The following WAPL variants were observed in gnomAD, a reference collection of about 807,000 sequenced individuals.
The protein encoded by WAPL is wings apart-like protein homolog.
WAPL carries 5 observed loss-of-function variants against 121.0 expected under a neutral mutation model. That is an observed-to-expected ratio of 0.04 (90% CI 0.02 to 0.09). WAPL has a LOEUF of 0.09. WAPL is among the 10% of genes least tolerant of loss of function. The pLI is 1.00. For missense variants in WAPL, 999 were observed against 1,410.8 expected (o/e 0.71, Z 4.68); for synonymous variants, 480 against 481.5 (o/e 1.00, Z 0.04).
Position 86,497,209 on chromosome 10 carries a change from G to A in WAPL, c.1636C>T (p.Pro546Ser). The A allele has an allele frequency of 6.2e-7, 1 of 1,610,604 alleles. No homozygotes were observed. Among genetic ancestry groups the A allele is most frequent in the Non-Finnish European group, 8.5e-7 (1 of 1,178,532 alleles). ...KENTRKIFSG[P>S]KRSPTKAVYN... is the part of the protein sequence containing the mutation. ...GACAGTGCTTTACTTACCCGTTTGGGGCCACTAAAAATCTTTCTGGTATTT... is the reference window on the plus strand; with the variant it reads ...GACAGTGCTTTACTTACCCGTTTGGAGCCACTAAAAATCTTTCTGGTATTT... The change falls in exon 4 of 19, where the codon CCC becomes TCC. Residue 546 changes from proline (P) to serine (S), a missense_variant. Pro to Ser is a moderately conservative substitution (Grantham distance 74, BLOSUM62 -1). Transcript: ENST00000298767.
At chr10:86,479,461 C>A (rs1841732310) in intron 4 of WAPL, among the ~76,000 whole-genome samples, 1 of 152,160 alleles carries the variant, frequency 6.6e-6, no homozygotes, top group East Asian at 1.9e-4. Flanking sequence ...GCCATGTTGG[C>A]CAGGCTGGTC....
At chr10:86,518,218 A>C (rs1312059048) in intron 1 of WAPL, 127 bp from the exon 2 acceptor site, 5 of 897,592 alleles carry the variant, frequency 5.6e-6, no homozygotes, top group Non-Finnish European at 8.1e-6. Context: ...CTTTTAAATA[A>C]ACAAATATGA....
chr10:86,454,574 G>A (rs1194891346), intron 12 of WAPL, among the ~76,000 whole-genome samples: 3 of 152,216 alleles, frequency 2.0e-5, no homozygotes, highest in Non-Finnish European at 4.4e-5. Flanking sequence ...GCGTGATCTT[G>A]GCTCGCTACA....
chr10:86,501,869 T>C (rs1274083957), intron 2 of WAPL, among the ~76,000 whole-genome samples: 3 of 152,158 alleles, frequency 2.0e-5, no homozygotes, highest in South Asian at 2.1e-4. Flanking sequence ...CTCCCCTTTT[T>C]ATTTAACAGA....
intron 12 of WAPL, among the ~76,000 whole-genome samples, chr10:86,458,343 G>A (rs1390628415): frequency 9.2e-5 from 14 of 152,130 alleles, no homozygotes; most frequent in Non-Finnish European, 1.5e-4. Context: ...TTACCTGCAA[G>A]GAGGTGACAG....
At chr10:86,454,063 G>A (rs10736337) in intron 12 of WAPL, among the ~76,000 whole-genome samples, 152,240 of 152,352 alleles carry the variant, frequency 1, 76,064 homozygotes, top group Middle Eastern at 1. Context: ...AAATTGTCTC[G>A]CATGTTATTG....
Position 86,496,017 on chromosome 10 carries a change from G to A in WAPL, c.1644+1184C>T, listed in dbSNP as rs553026664. ...TAATCCCAGCTACTTGGGAGGCTGA[G>A]GCAGGAGAATTCCTTGAACCCAGGA... On this transcript the variant is annotated intron_variant, in intron 4 of 18. Coordinates refer to ENST00000298767, the MANE Select transcript of WAPL (RefSeq NM_015045.5). Among the ~76,000 whole-genome samples, 3 of 152,300 alleles carry A rather than the reference G, an allele frequency of 2.0e-5. No individual in the cohort carries two copies. The East Asian group carries it at 5.8e-4, about 29-fold the overall frequency.
chr10:86,453,106 G>GA (rs200447718), intron 14 of WAPL, 114 bp downstream of exon 14: 48 of 320,360 alleles, frequency 1.5e-4, no homozygotes, highest in African/African-American at 4.5e-4. Context: ...GGAAATTCAT[G>GA]AAAAAAAACC....
intron 4 of WAPL, among the ~76,000 whole-genome samples, chr10:86,491,088 C>A (rs1474035623): frequency 6.8e-6 from 1 of 147,262 alleles, no homozygotes; most frequent in African/African-American, 2.5e-5. Flanking sequence ...TAAATACATA[C>A]ATAAATAAAT....
intron 2 of WAPL, among the ~76,000 whole-genome samples, chr10:86,510,065 G>A (rs576640757): frequency 1.1e-4 from 15 of 131,670 alleles, no homozygotes; most frequent in East Asian, 8.9e-4. Flanking sequence ...CACTCCACCC[G>A]GCCTTTTTTT....
At chr10:86,519,469 C>T (rs1842628192) in intron 1 of WAPL, among the ~76,000 whole-genome samples, 1 of 152,092 alleles carries the variant, frequency 6.6e-6, no homozygotes, top group Non-Finnish European at 1.5e-5. Flanking sequence ...GAGTCACTGT[C>T]TGAGTTTTAT....
At chr10:86,476,150 G>C (rs974158036) in intron 4 of WAPL, among the ~76,000 whole-genome samples, 1 of 152,052 alleles carries the variant, frequency 6.6e-6, no homozygotes, top group Non-Finnish European at 1.5e-5. Flanking sequence ...CGGATCACGA[G>C]GTCAGGAGAT....
At chr10:86,448,221 T>C (rs1299222517) in intron 15 of WAPL, among the ~76,000 whole-genome samples, 1 of 152,162 alleles carries the variant, frequency 6.6e-6, no homozygotes, top group Non-Finnish European at 1.5e-5. Flanking sequence ...CTCATGCCTG[T>C]GATCCTAGCA....
chr10:86,461,943 G>A (rs1203765991), intron 9 of WAPL, among the ~76,000 whole-genome samples: 1 of 152,098 alleles, frequency 6.6e-6, no homozygotes, highest in Non-Finnish European at 1.5e-5. Flanking sequence ...GTTGCAGACT[G>A]ACTAGTTTTT....
chr10:86,458,222 G>T (rs1207955145), intron 12 of WAPL, among the ~76,000 whole-genome samples: 1 of 152,206 alleles, frequency 6.6e-6, no homozygotes, highest in Non-Finnish European at 1.5e-5. Context: ...TATTGTTCTG[G>T]ATAGGCTAAA....
intron 18 of WAPL, 144 bp from the exon 19 acceptor site, chr10:86,437,752 G>C: frequency 9.7e-7 from 1 of 1,036,106 alleles, no homozygotes; most frequent in Non-Finnish European, 1.4e-6. Flanking sequence ...GTTTGATAAA[G>C]TTATTTGCCA....
chr10:86,445,991 G>A (rs1418154934), intron 16 of WAPL, among the ~76,000 whole-genome samples: 1 of 152,066 alleles, frequency 6.6e-6, no homozygotes, highest in African/African-American at 2.4e-5. Context: ...TAAAGGAAAG[G>A]AGGGCCCCGG....
At chr10:86,454,881 G>A (rs1163025902) in intron 12 of WAPL, among the ~76,000 whole-genome samples, 4 of 145,374 alleles carry the variant, frequency 2.8e-5, no homozygotes, top group Middle Eastern at 3.5e-3. Flanking sequence ...GTCTCTGCCC[G>A]ACCGCCACCC....
chr10:86,515,837 T>C (rs912728275), intron 2 of WAPL, among the ~76,000 whole-genome samples: 3 of 148,244 alleles, frequency 2.0e-5, no homozygotes, highest in African/African-American at 4.9e-5. Context: ...GGAGCTGACC[T>C]GGAAACAGTT....
Sources: allele counts gnomAD v4.1 joint callset (sites outside exome capture counted in the v4.1 genomes callset), GRCh38; gene constraint gnomAD v4.1.1; transcripts MANE v1.5; gene names NCBI Gene and HGNC (gene_info 2026-07-23, HGNC 2026-07-21).